Variants in SPICE1 observed in about 807,000 individuals in gnomAD.
The protein encoded by SPICE1 is spindle and centriole associated protein 1.
A neutral mutation model predicts 102.7 loss-of-function variants in SPICE1; 75 were observed. The ratio of observed to expected loss-of-function variants is 0.73; its 90% CI spans 0.61 to 0.88. The LOEUF (loss-of-function observed/expected upper bound fraction) is 0.88, where lower values mean the gene tolerates loss of function less well. Among genes scored for constraint, SPICE1 ranks in the 40% least tolerant of loss-of-function variants. SPICE1 has a pLI of 0.00. For missense variants in SPICE1, 979 were observed against 1,020.1 expected (o/e 0.96, Z 0.55); for synonymous variants, 308 against 350.3 (o/e 0.88, Z 1.35).
chr3:113,466,520 G>C (rs970550197), intron 10 of SPICE1, among the ~76,000 whole-genome samples: 3 of 151,326 alleles, frequency 2.0e-5, no homozygotes, highest in Non-Finnish European at 4.4e-5. Flanking sequence ...TGAGGCAGAA[G>C]AATCTCTTGA....
intron 5 of SPICE1, 37 bp from the exon 6 acceptor site, chr3:113,493,349 T>C (rs1169406091): frequency 6.5e-7 from 1 of 1,537,088 alleles, no homozygotes; most frequent in Non-Finnish European, 9.0e-7. Flanking sequence ...ATTTGTTTCA[T>C]TTAATTAACT....
At chr3:113,473,362 G>A (rs1378280116) in intron 7 of SPICE1, among the ~76,000 whole-genome samples, 2 of 152,162 alleles carry the variant, frequency 1.3e-5, no homozygotes, top group African/African-American at 4.8e-5. Context: ...AAAACACTCT[G>A]CAGGATATTA....
chr3:113,507,762 T>A (rs867557710), intron 1 of SPICE1, among the ~76,000 whole-genome samples: 1 of 152,198 alleles, frequency 6.6e-6, no homozygotes, highest in Non-Finnish European at 1.5e-5. Context: ...GTGCTTACTA[T>A]AAGCCAGATG....
Position 113,455,989 on chromosome 3 carries a change from T to C in SPICE1, c.1657+1147A>G, listed in dbSNP as rs960776498. ...AAGAAATATCTTCTCATTTCATAGA[T>C]GGAAAAACTTAGGTCTAGAAAAGGT... On this transcript the variant is annotated intron_variant, in intron 13 of 17. Transcript: ENST00000295872. Among the ~76,000 whole-genome samples, 16 of 152,260 alleles carry C rather than the reference T, an allele frequency of 1.1e-4. No homozygotes were observed. The East Asian group carries it at 3.1e-3, about 29-fold the overall frequency.
chr3:113,474,612 C>G (rs889373024), intron 7 of SPICE1, among the ~76,000 whole-genome samples: 2 of 152,202 alleles, frequency 1.3e-5, no homozygotes, highest in East Asian at 1.9e-4. Flanking sequence ...TGCAATCAAA[C>G]TAGAACTCAG....
At position 113,448,130 on chromosome 3, in the gene SPICE1, C is replaced by T; in HGVS notation, c.2334G>A (p.Lys778=). 1 of 1,602,852 alleles carries T rather than the reference C, an allele frequency of 6.2e-7. No individual in the cohort carries two copies. The highest frequency in any genetic ancestry group is 8.5e-7 in the Non-Finnish European group (1 of 1,174,876). Residue 778 remains lysine, a synonymous_variant, in exon 16 of 18, where the codon AAG becomes AAA. Coordinates refer to ENST00000295872, the MANE Select transcript of SPICE1 (RefSeq NM_144718.4). The part of the protein sequence containing the change: ...LPLRAWTEGA[K]RTIEVSIPGA... ...CTGGAATAGATACCTCAATTGTCCT[C>T]TTTGCTCCTTCTAAAATATAAAAAT... is the stretch of plus-strand genomic sequence containing the variant.
rs770442573 is a variant in SPICE1, at chr3:113,453,474, T to C, written c.2134A>G (p.Met712Val). 3.1e-6 allele frequency: 5 copies of C among 1,604,368 alleles called. No homozygotes were observed. The highest frequency in any genetic ancestry group is 2.2e-5 in the East Asian group (1 of 44,710). Residue 712 changes from methionine to valine, a missense_variant, in exon 14 of 18, where the codon ATG (methionine) becomes GTG (valine). By Grantham distance (21) the Met-to-Val change is conservative. Coordinates refer to ENST00000295872, the MANE Select transcript of SPICE1 (RefSeq NM_144718.4). Reference sequence around the variant, plus strand: ...CCTTAAATGGTACTCACAGAAGTCATGTCACTTGCACTTTCTTGTTTGTTC... The same window carrying C: ...CCTTAAATGGTACTCACAGAAGTCACGTCACTTGCACTTTCTTGTTTGTTC... ...ELNKQESASDMTSTFPVAQSL... is the reference protein window; with the variant it reads ...ELNKQESASDVTSTFPVAQSL...
intron 10 of SPICE1, 107 bp from the exon 11 acceptor site, chr3:113,465,891 A>T (rs1214910677): frequency 1.9e-6 from 2 of 1,025,948 alleles, no homozygotes. Context: ...AGCATATATT[A>T]TGTGACAGTA....
intron 17 of SPICE1, among the ~76,000 whole-genome samples, chr3:113,445,636 G>A (rs1281757585): frequency 2.6e-5 from 4 of 152,052 alleles, no homozygotes; most frequent in African/African-American, 9.7e-5. Flanking sequence ...TTTTTAAAAT[G>A]ATAAAAAGGC....
intron 4 of SPICE1, among the ~76,000 whole-genome samples, chr3:113,495,640 G>A (rs941803185): frequency 3.9e-5 from 6 of 152,184 alleles, no homozygotes; most frequent in African/African-American, 1.4e-4. Context: ...AGATGTTTCA[G>A]AATTTTGCTA....
At chr3:113,481,791 C>A (rs925898661) in intron 7 of SPICE1, among the ~76,000 whole-genome samples, 2 of 152,148 alleles carry the variant, frequency 1.3e-5, no homozygotes, top group Non-Finnish European at 1.5e-5. Flanking sequence ...ATATATGTGC[C>A]ACATTTTCTT....
chr3:113,508,616 T>C (rs1391408122), intron 1 of SPICE1, among the ~76,000 whole-genome samples: 1 of 152,090 alleles, frequency 6.6e-6, no homozygotes, highest in African/African-American at 2.4e-5. Flanking sequence ...CAACAAGCAC[T>C]GACAAAAATA....
intron 7 of SPICE1, among the ~76,000 whole-genome samples, chr3:113,486,098 G>C (rs909226049): frequency 6.6e-6 from 1 of 151,110 alleles, no homozygotes; most frequent in Non-Finnish European, 1.5e-5. Context: ...GCAACAGAAT[G>C]AGACTCCATC....
At chr3:113,478,715 A>C (rs1186951308) in intron 7 of SPICE1, among the ~76,000 whole-genome samples, 1 of 152,190 alleles carries the variant, frequency 6.6e-6, no homozygotes, top group Non-Finnish European at 1.5e-5. Context: ...GTAAGGATAC[A>C]AAAGTATTCA....
At chr3:113,480,729 AT>A (rs1936472702) in intron 7 of SPICE1, among the ~76,000 whole-genome samples, 2 of 151,960 alleles carry the variant, frequency 1.3e-5, no homozygotes, top group South Asian at 4.1e-4. Flanking sequence ...TTAAAAAAAA[AT>A]GTATCTGGGT....
At chr3:113,500,391 C>CA (rs1936986394) in intron 3 of SPICE1, among the ~76,000 whole-genome samples, 1 of 151,640 alleles carries the variant, frequency 6.6e-6, no homozygotes, top group African/African-American at 2.4e-5. Context: ...TTCTGACTCA[C>CA]AAAAAACAAA....
rs968054903 is a variant in SPICE1 at position 113,492,139 on chromosome 3, C to T, written c.492+1067G>A. On this transcript the variant is annotated intron_variant, in intron 6 of 17. Transcript: ENST00000295872. ...TTTCCAGCTATCTGAAAGCTAACTT[C>T]TCATTAAGTGCCAAAACATAAATGG... Among the ~76,000 whole-genome samples, 7 of 152,138 alleles carry T rather than the reference C, an allele frequency of 4.6e-5. No homozygotes were observed. The South Asian group carries it at 1.4e-3, about 31-fold the overall frequency.
intron 2 of SPICE1, among the ~76,000 whole-genome samples, chr3:113,504,601 A>T (rs1937073406): frequency 1.3e-5 from 2 of 151,020 alleles, no homozygotes; most frequent in African/African-American, 2.4e-5. Flanking sequence ...AAAAGGGAAA[A>T]GGAAAAGAAA....
intron 12 of SPICE1, 67 bp from the exon 13 acceptor site, chr3:113,457,424 T>C: frequency 1.3e-6 from 2 of 1,512,176 alleles, no homozygotes; most frequent in African/African-American, 1.4e-5. Flanking sequence ...TTTCAGGTAT[T>C]TATTCTTAAA....
Sources: gnomAD v4.1 joint callset for allele counts (sites outside exome capture counted in the v4.1 genomes callset) on GRCh38, gnomAD v4.1.1 for gene constraint, MANE v1.5 for transcripts, NCBI Gene and HGNC (gene_info 2026-07-23, HGNC 2026-07-21) for gene names.